Variants in AFG1L observed in about 807,000 individuals in gnomAD.
The protein encoded by AFG1L is AFG1-like ATPase.
In AFG1L, 53 loss-of-function variants were observed where a neutral mutation model predicts 62.2. The observed-to-expected ratio is 0.85, with a 90% CI of 0.68 to 1.07. The LOEUF (loss-of-function observed/expected upper bound fraction) is 1.07. Ranked by LOEUF, AFG1L falls within the 50% of genes least tolerant of loss-of-function variation. The pLI is 0.00. For missense variants in AFG1L, 555 were observed against 590.5 expected, an observed-to-expected ratio of 0.94 and a Z score of 0.62; for synonymous variants, 228 against 210.3, an observed-to-expected ratio of 1.08 and a Z score of -0.73.
At chr6:108,386,459 C>CT (rs1281791457) in intron 6 of AFG1L, among the ~76,000 whole-genome samples, 1 of 148,924 alleles carries the variant, frequency 6.7e-6, no homozygotes, top group African/African-American at 2.5e-5. Context: ...AAAACTCCAT[C>CT]TCAAAAAAAA....
intron 10 of AFG1L, among the ~76,000 whole-genome samples, chr6:108,491,182 A>T (rs907709389): frequency 6.6e-6 from 1 of 152,234 alleles, no homozygotes; most frequent in South Asian, 2.1e-4. Flanking sequence ...TGAAAGACAG[A>T]AAAGTTAATA....
At chr6:108,434,271 C>T (rs146109464) in intron 7 of AFG1L, among the ~76,000 whole-genome samples, 5 of 152,302 alleles carry the variant, frequency 3.3e-5, no homozygotes, top group Non-Finnish European at 7.4e-5. Flanking sequence ...GCTCCAACTC[C>T]TAGAGTGCCA....
chr6:108,483,417 A>C (rs1042877657), intron 10 of AFG1L, among the ~76,000 whole-genome samples: 1 of 152,230 alleles, frequency 6.6e-6, no homozygotes, highest in African/African-American at 2.4e-5. Context: ...AGTATAAAGG[A>C]GTCCTGGAGC....
chr6:108,373,885 CTGTTT>C (rs746972771), intron 6 of AFG1L, among the ~76,000 whole-genome samples: 1 of 152,108 alleles, frequency 6.6e-6, no homozygotes, highest in Non-Finnish European at 1.5e-5. Context: ...GCCGGTAGTT[CTGTTT>C]TAAGTTTTTT....
chr6:108,414,979 T>C (rs1782295929), intron 7 of AFG1L, among the ~76,000 whole-genome samples: 1 of 152,188 alleles, frequency 6.6e-6, no homozygotes, highest in Non-Finnish European at 1.5e-5. Context: ...GGAAGTCAAA[T>C]TGTCCCTGTT....
chr6:108,339,303 C>T (rs1243687291), intron 2 of AFG1L, among the ~76,000 whole-genome samples: 1 of 151,758 alleles, frequency 6.6e-6, no homozygotes, highest in Non-Finnish European at 1.5e-5. Flanking sequence ...ACCACATCGA[C>T]TAATTTTTGT....
intron 7 of AFG1L, among the ~76,000 whole-genome samples, chr6:108,411,168 A>G (rs1255889614): frequency 8.5e-5 from 13 of 152,094 alleles, no homozygotes; most frequent in Admixed American, 2.6e-4. Context: ...CACTGCTAGC[A>G]CAGCAGTCTG....
In AFG1L at chr6:108,525,386, T is replaced by C. The variant is rs2114929376; in HGVS notation, c.*2961T>C. 1 of 152,352 alleles carries C rather than the reference T, an allele frequency of 6.6e-6. No homozygotes were observed. Among genetic ancestry groups the C allele is most frequent in the African/African-American group, 2.4e-5 (1 of 41,578 alleles). 9.4% of individuals were successfully genotyped at this position (152,352 alleles called of 1,614,324 possible). ...GAGGCCAAAAAGACTGTAGTATTATTTTAATCAAATTTATGCATTTTCAGT... is the reference window on the plus strand; with the variant it reads ...GAGGCCAAAAAGACTGTAGTATTATCTTAATCAAATTTATGCATTTTCAGT... On this transcript the variant is annotated 3_prime_UTR_variant, in exon 13 of 13. Transcript: ENST00000368977.
intron 6 of AFG1L, among the ~76,000 whole-genome samples, chr6:108,377,091 TG>T (rs1351977504): frequency 6.6e-6 from 1 of 152,194 alleles, no homozygotes; most frequent in Non-Finnish European, 1.5e-5. Flanking sequence ...GTTTTCTTTT[TG>T]CATGGTAGAT....
chr6:108,511,137 A>AG (rs1316718222), intron 11 of AFG1L, among the ~76,000 whole-genome samples: 2 of 141,566 alleles, frequency 1.4e-5, no homozygotes, highest in East Asian at 4.0e-4. Flanking sequence ...GAGGAGGAGG[A>AG]GGAGGAGGAG....
chr6:108,460,423 T>TA (rs1289220598), intron 8 of AFG1L, among the ~76,000 whole-genome samples: 1 of 152,196 alleles, frequency 6.6e-6, no homozygotes, highest in Non-Finnish European at 1.5e-5. Flanking sequence ...GGTCTTTTTT[T>TA]ATCCAGTGTG....
At chr6:108,507,570 A>G (rs1295945247) in intron 10 of AFG1L, among the ~76,000 whole-genome samples, 1 of 152,242 alleles carries the variant, frequency 6.6e-6, no homozygotes, top group Non-Finnish European at 1.5e-5. Flanking sequence ...CACTTCTGAT[A>G]ATGATTTTCC....
At chr6:108,335,757 A>AT (rs1778453131) in intron 2 of AFG1L, among the ~76,000 whole-genome samples, 1 of 152,220 alleles carries the variant, frequency 6.6e-6, no homozygotes, top group Non-Finnish European at 1.5e-5. Context: ...CAAAGTGAAC[A>AT]TGGAAGGATT....
intron 7 of AFG1L, among the ~76,000 whole-genome samples, chr6:108,404,051 A>G (rs1270128044): frequency 1.3e-5 from 2 of 152,174 alleles, no homozygotes; most frequent in Non-Finnish European, 1.5e-5. Flanking sequence ...CATCAATGAA[A>G]TGAAAACTAG....
intron 10 of AFG1L, among the ~76,000 whole-genome samples, chr6:108,493,533 C>T (rs917533141): frequency 2.0e-5 from 3 of 152,162 alleles, no homozygotes; most frequent in Non-Finnish European, 4.4e-5. Flanking sequence ...GCTACACTAG[C>T]TCATTTGCTG....
intron 10 of AFG1L, among the ~76,000 whole-genome samples, chr6:108,505,654 CTTGA>C (rs1774386942): frequency 6.6e-6 from 1 of 152,006 alleles, no homozygotes; most frequent in Non-Finnish European, 1.5e-5. Context: ...ACATCTCAAC[CTTGA>C]AAAAGAATCA....
chr6:108,318,301 A>G, intron 1 of AFG1L: 1 of 392,374 alleles, frequency 2.5e-6, no homozygotes, highest in Non-Finnish European at 4.8e-6. Flanking sequence ...CTGAGCTTGA[A>G]TGCGTTGAGC....
chr6:108,321,577 A>G (rs1777814443), intron 1 of AFG1L, among the ~76,000 whole-genome samples: 1 of 152,224 alleles, frequency 6.6e-6, no homozygotes, highest in African/African-American at 2.4e-5. Context: ...TTACTCAGGA[A>G]ATTCCAAGGG....
chr6:108,478,208 C>G, intron 10 of AFG1L, among the ~76,000 whole-genome samples: 1 of 152,144 alleles, frequency 6.6e-6, no homozygotes, highest in Non-Finnish European at 1.5e-5. Flanking sequence ...GAGGCCGAGG[C>G]GGGTGGATCA....
Sources: allele counts gnomAD v4.1 joint callset (sites outside exome capture counted in the v4.1 genomes callset), GRCh38; gene constraint gnomAD v4.1.1; transcripts MANE v1.5; gene names NCBI Gene and HGNC (gene_info 2026-07-23, HGNC 2026-07-21).